Variants in BIRC6 observed in about 807,000 individuals in gnomAD.
The protein encoded by BIRC6 is baculoviral IAP repeat containing 6, also known as dual E2 ubiquitin-conjugating enzyme/E3 ubiquitin-protein ligase BIRC6.
BIRC6 carries 98 observed loss-of-function variants against 503.3 expected under a neutral mutation model. That is an observed-to-expected ratio of 0.19 (90% CI 0.17 to 0.23). BIRC6 has a LOEUF of 0.23. BIRC6 is among the 10% of genes least tolerant of loss of function. The pLI, the probability that BIRC6 is intolerant of heterozygous loss-of-function variation, is 1.00. For synonymous variants in BIRC6, 2,240 were observed against 2,078.7 expected (o/e 1.08, Z -2.11); for missense variants, 5,360 against 5,806.0 (o/e 0.92, Z 2.50).
At chr2:32,470,088 A>C in intron 30 of BIRC6, 80 bp from the exon 31 acceptor site, 2 of 1,192,124 alleles carry the variant, frequency 1.7e-6, no homozygotes, top group Non-Finnish European at 2.2e-6. Context: ...TACTCTGTTA[A>C]ATTTCTATGT....
At chr2:32,373,905 A>G (rs1201576760) in intron 1 of BIRC6, among the ~76,000 whole-genome samples, 2 of 152,234 alleles carry the variant, frequency 1.3e-5, no homozygotes, top group Admixed American at 6.5e-5. Flanking sequence ...TCTAATGTGG[A>G]GGAACCTTCA....
At position 32,515,497 on chromosome 2, in the gene BIRC6, A is replaced by G. The variant is rs767630204; in HGVS notation, c.11076A>G (p.Glu3692=). Residue 3692 remains glutamate (E), a synonymous_variant, in exon 55 of 74, where the codon GAA becomes GAG. Transcript: ENST00000421745. ...CTCCTATTCTTAGGTTTTTGACAGAAGTTGGCAATAGCCATATTATGAAAG... is the reference window on the plus strand; with the variant it reads ...CTCCTATTCTTAGGTTTTTGACAGAGGTTGGCAATAGCCATATTATGAAAG... ...LVAPILRFLT[E]VGNSHIMKDW... 1.2e-6 allele frequency: 2 copies of G among 1,613,898 alleles called. No individual in the cohort carries two copies. The highest frequency in any genetic ancestry group is 1.7e-6 in the Non-Finnish European group (2 of 1,179,892).
chr2:32,556,818 A>C (rs2058813251), intron 65 of BIRC6, among the ~76,000 whole-genome samples: 1 of 152,126 alleles, frequency 6.6e-6, no homozygotes, highest in Non-Finnish European at 1.5e-5. Flanking sequence ...GGGCACCTGT[A>C]GTCCCAGCTA....
At chr2:32,609,572 C>T (rs1352208004) in intron 72 of BIRC6, among the ~76,000 whole-genome samples, 2 of 151,994 alleles carry the variant, frequency 1.3e-5, no homozygotes, top group East Asian at 3.9e-4. Context: ...TACATGAATA[C>T]TATGAAGCCA....
chr2:32,514,828 A>G (rs1376476330), intron 54 of BIRC6, among the ~76,000 whole-genome samples, 162 bp from the exon 55 acceptor site: 1 of 147,836 alleles, frequency 6.8e-6, no homozygotes, highest in Non-Finnish European at 1.5e-5. Context: ...ATGTGTGTCT[A>G]TATATATATA....
chr2:32,490,002 T>G, intron 42 of BIRC6, 39 bp from the exon 43 acceptor site: 1 of 1,403,462 alleles, frequency 7.1e-7, no homozygotes, highest in South Asian at 1.2e-5. Flanking sequence ...TAAACATTGT[T>G]TTTCTGAAAA....
At chr2:32,591,549 T>G (rs2151357271) in intron 66 of BIRC6, among the ~76,000 whole-genome samples, 1 of 152,324 alleles carries the variant, frequency 6.6e-6, no homozygotes, top group African/African-American at 2.4e-5. Flanking sequence ...ACTGGATTGA[T>G]GCAGTTCATG....
chr2:32,556,976 T>C (rs2058830294), intron 65 of BIRC6, among the ~76,000 whole-genome samples: 1 of 152,150 alleles, frequency 6.6e-6, no homozygotes, highest in Non-Finnish European at 1.5e-5. Context: ...TCCAGTTTAC[T>C]TAGAGAATAT....
In BIRC6 at chr2:32,596,071, C is replaced by G. The variant is rs181873961; in HGVS notation, c.13612+927C>G. The stretch of plus-strand genomic sequence containing the variant: ...TGTATTAAAGTACTAAAACCAAATA[C>G]TTTATTTCATTTATATGAATTTAAT... On this transcript the variant is annotated intron_variant, in intron 68 of 73. Transcript: ENST00000421745. Among the ~76,000 whole-genome samples, 3 of 152,096 alleles carry G rather than the reference C, an allele frequency of 2.0e-5. No homozygotes were observed. The East Asian group carries it at 5.8e-4, about 29-fold the overall frequency.
chr2:32,362,565 G>A (rs1425451421), intron 1 of BIRC6, among the ~76,000 whole-genome samples: 1 of 151,812 alleles, frequency 6.6e-6, no homozygotes, highest in Non-Finnish European at 1.5e-5. Context: ...TGATCTGCCT[G>A]CCTCGGCCTC....
At chr2:32,475,938 T>C (rs566778258) in intron 33 of BIRC6, among the ~76,000 whole-genome samples, 3 of 152,220 alleles carry the variant, frequency 2.0e-5, no homozygotes, top group South Asian at 4.1e-4. Context: ...TTAAAAAATA[T>C]ATATCGCTCG....
rs538617738 is a variant in BIRC6, at chr2:32,446,680, A to G, written c.4484+1012A>G. Among the ~76,000 whole-genome samples, 19 of 147,536 alleles carry G rather than the reference A, an allele frequency of 1.3e-4. No homozygotes were observed. The South Asian group carries it at 4.1e-3, about 32-fold the overall frequency. On this transcript the variant is annotated intron_variant, in intron 21 of 73. Coordinates refer to ENST00000421745, the MANE Select transcript of BIRC6 (RefSeq NM_016252.4). ...TTTTAGAGTATAGATTGCAGGGAACATAGTTGAGATTCACTGAATTTGATG... is the reference window on the plus strand; with the variant it reads ...TTTTAGAGTATAGATTGCAGGGAACGTAGTTGAGATTCACTGAATTTGATG...
intron 61 of BIRC6, 50 bp downstream of exon 61, chr2:32,531,601 C>A (rs1352757245): frequency 7.0e-7 from 1 of 1,431,742 alleles, no homozygotes; most frequent in Non-Finnish European, 9.4e-7. Context: ...CTAAGCCCTT[C>A]ATTCTTTTTA....
chr2:32,480,970 G>T (rs992894807), intron 37 of BIRC6, among the ~76,000 whole-genome samples: 1 of 151,872 alleles, frequency 6.6e-6, no homozygotes, highest in Non-Finnish European at 1.5e-5. Context: ...CTTCAGTCCT[G>T]TTTGCTTTTC....
At chr2:32,410,930 G>C (rs2041802507) in intron 9 of BIRC6, among the ~76,000 whole-genome samples, 1 of 152,142 alleles carries the variant, frequency 6.6e-6, no homozygotes, top group Non-Finnish European at 1.5e-5. Flanking sequence ...TTGATCTCCT[G>C]ACCTTGTGAT....
intron 69 of BIRC6, among the ~76,000 whole-genome samples, chr2:32,599,224 G>A (rs1327070130): frequency 6.6e-6 from 1 of 151,476 alleles, no homozygotes; most frequent in East Asian, 1.9e-4. Context: ...AGCTACTCGG[G>A]AGGCTGAGGC....
intron 8 of BIRC6, among the ~76,000 whole-genome samples, chr2:32,403,313 A>G (rs1273479649): frequency 6.6e-6 from 1 of 152,230 alleles, no homozygotes; most frequent in African/African-American, 2.4e-5. Flanking sequence ...CATTAGCTTG[A>G]AGAATAATAC....
chr2:32,556,775 TA>T (rs780578031), intron 65 of BIRC6, among the ~76,000 whole-genome samples: 1 of 151,940 alleles, frequency 6.6e-6, no homozygotes, highest in Non-Finnish European at 1.5e-5. Flanking sequence ...ATAGCAAAAC[TA>T]AAAATACAAA....
At chr2:32,493,813 G>A (rs981734758) in intron 45 of BIRC6, 146 bp downstream of exon 45, 3 of 622,050 alleles carry the variant, frequency 4.8e-6, no homozygotes, top group South Asian at 2.5e-5. Context: ...ATATATTGGT[G>A]TGTTTCCTGA....
Sources: allele counts gnomAD v4.1 joint callset (sites outside exome capture counted in the v4.1 genomes callset), GRCh38; gene constraint gnomAD v4.1.1; transcripts MANE v1.5; gene names NCBI Gene and HGNC (gene_info 2026-07-23, HGNC 2026-07-21).